The following NFATC2IP variants were observed in gnomAD, a reference collection of about 807,000 sequenced individuals.
The protein encoded by NFATC2IP is nuclear factor of activated T cells 2 interacting protein.
A neutral mutation model predicts 40.2 loss-of-function variants in NFATC2IP; 25 were observed. The observed-to-expected ratio is 0.62, with a 90% confidence interval of 0.45 to 0.87. NFATC2IP has a LOEUF of 0.87. Ranked by LOEUF, NFATC2IP falls within the 40% of genes least tolerant of loss-of-function variation. The pLI is 0.00. For synonymous variants in NFATC2IP, 241 were observed against 236.3 expected, an observed-to-expected ratio of 1.02 and a Z score of -0.18; for missense variants, 553 against 555.6, an observed-to-expected ratio of 1.00 and a Z score of 0.05.
intron 7 of NFATC2IP, among the ~76,000 whole-genome samples, chr16:28,959,666 G>A (rs1007111517): frequency 1.4e-5 from 2 of 146,892 alleles, no homozygotes; most frequent in African/African-American, 5.0e-5. Context: ...TCTGCCTTCC[G>A]AGTTTCAAGT....
At chr16:28,951,472 G>C in intron 1 of NFATC2IP, 74 bp downstream of exon 1, 1 of 1,334,524 alleles carries the variant, frequency 7.5e-7, no homozygotes, top group Non-Finnish European at 9.6e-7. Context: ...CGGCGTTCGG[G>C]GAGGGTAGGG....
Position 28,963,885 on chromosome 16 carries a change from G to T in NFATC2IP, c.*22G>T, listed in dbSNP as rs1274788926. 1.4e-5 allele frequency: 22 copies of T among 1,612,104 alleles called. No homozygotes were observed. The highest frequency in any genetic ancestry group is 1.6e-5 in the Non-Finnish European group (19 of 1,178,438). On this transcript the variant is annotated 3_prime_UTR_variant, in exon 8 of 8. Coordinates refer to ENST00000320805, the MANE Select transcript of NFATC2IP (RefSeq NM_032815.4). The stretch of plus-strand genomic sequence containing the variant: ...CTGACACCCCACTCCCTGTTTGACG[G>T]CCCAGCCTGGACTTGGGGAGAATGA...
At chr16:28,961,054 A>G (rs1434531092) in intron 7 of NFATC2IP, among the ~76,000 whole-genome samples, 1 of 152,096 alleles carries the variant, frequency 6.6e-6, no homozygotes, top group Middle Eastern at 3.2e-3. Context: ...TTGGCCAGGC[A>G]CAGTGCCTCA....
In NFATC2IP at chr16:28,953,223, C is replaced by T. The variant is rs542478202; in HGVS notation, c.460+1019C>T. 1.6e-4 allele frequency among the ~76,000 whole-genome samples: 24 copies of T among 151,946 alleles called. No individual in the cohort carries two copies. In the East Asian group the frequency reaches 3.3e-3, roughly 21 times the overall value. ...CCGAGTAGCAGGGATTACAGGCGCC[C>T]GCCACCATGTCTGGCTTTTTTGTAT... On this transcript the variant is annotated intron_variant, in intron 2 of 7. Coordinates refer to ENST00000320805, the MANE Select transcript of NFATC2IP (RefSeq NM_032815.4).
At chr16:28,956,606 A>C (rs1965025224) in intron 5 of NFATC2IP, 1 of 452,524 alleles carries the variant, frequency 2.2e-6, no homozygotes. Context: ...TTTTTCCTTC[A>C]AAAAGTGGTC....
At chr16:28,961,234 G>A (rs1401654096) in intron 7 of NFATC2IP, among the ~76,000 whole-genome samples, 1 of 149,694 alleles carries the variant, frequency 6.7e-6, no homozygotes, top group Admixed American at 6.7e-5. Context: ...AGGCTGAGGT[G>A]TGAGGATCGC....
intron 1 of NFATC2IP, among the ~76,000 whole-genome samples, chr16:28,951,790 A>G (rs914858818): frequency 6.6e-6 from 1 of 151,964 alleles, no homozygotes; most frequent in African/African-American, 2.4e-5. Flanking sequence ...GGGTTCAGAG[A>G]GGACTGGGCG....
rs138576594 is a variant in NFATC2IP, at chr16:28,961,325, G to GAA, written c.1101+2253_1101+2254dup. 1.6e-3 allele frequency among the ~76,000 whole-genome samples: 86 copies of GAA among 52,250 alleles called. 1 individual carries two copies. The highest frequency in any genetic ancestry group is 4.6e-3 in the African/African-American group (58 of 12,670). 34.3% of individuals were successfully genotyped at this position (52,250 alleles called of 152,430 possible). A position where few individuals can be genotyped will look rare whatever the true frequency, so the allele number is the denominator to read the frequency against. The stretch of plus-strand genomic sequence containing the variant: ...CCTGGGAGACAGCAAGACCCTATCT[G>GAA]AAAAAAAAAAAAAAAAAAAAAAAAA... On this transcript the variant is annotated intron_variant, in intron 7 of 7. Coordinates refer to ENST00000320805, the MANE Select transcript of NFATC2IP (RefSeq NM_032815.4).
At chr16:28,962,821 C>T (rs962388340) in intron 7 of NFATC2IP, among the ~76,000 whole-genome samples, 6 of 152,208 alleles carry the variant, frequency 3.9e-5, no homozygotes, top group African/African-American at 1.2e-4. Context: ...CTTGCAGGTG[C>T]ACTCCATTCT....
intron 7 of NFATC2IP, among the ~76,000 whole-genome samples, chr16:28,962,783 G>C (rs945583386): frequency 8.5e-5 from 13 of 152,182 alleles, no homozygotes; most frequent in Non-Finnish European, 1.8e-4. Context: ...GGCTCCTGCT[G>C]GCGGCCCACA....
rs57676860 is a variant in NFATC2IP, at chr16:28,963,638, G to A, written c.1102-67G>A. On this transcript the variant is annotated intron_variant, in intron 7 of 7. Transcript: ENST00000320805. The stretch of plus-strand genomic sequence containing the variant: ...CCATCCTCCCTGTCCCAAGTTCCTC[G>A]TCTATCCCTACGGGATCCCCGCCCC... 3.4e-3 allele frequency: 4,882 copies of A among 1,455,556 alleles called. 157 individuals carry two copies. In the African/African-American group the frequency reaches 0.06, roughly 18 times the overall value. The allele number at this position is 1,455,556 out of a possible 1,614,324, so 90.2% of individuals were successfully genotyped here.
rs1284712187 is a variant in NFATC2IP at position 28,965,146 on chromosome 16, A to G, written c.*1283A>G. ...TGGTGCAGTGCTTTAACATACATTC[A>G]TCTGATCAGCATTAATTTGGGGAAT... On this transcript the variant is annotated 3_prime_UTR_variant, in exon 8 of 8. Coordinates refer to ENST00000320805, the MANE Select transcript of NFATC2IP (RefSeq NM_032815.4). 1.3e-5 allele frequency: 2 copies of G among 152,034 alleles called. No individual in the cohort carries two copies. The highest frequency in any genetic ancestry group is 4.8e-5 in the African/African-American group (2 of 41,402). 9.4% of individuals were successfully genotyped at this position (152,034 alleles called of 1,614,324 possible).
At chr16:28,952,261 C>T (rs1186511477) in intron 2 of NFATC2IP, 57 bp downstream of exon 2, 2 of 1,609,088 alleles carry the variant, frequency 1.2e-6, no homozygotes, top group African/African-American at 1.3e-5. Context: ...TAAGAGAATT[C>T]CTGGGGTTTA....
In NFATC2IP at chr16:28,956,239, G is replaced by A. The variant is rs1464631142; in HGVS notation, c.748G>A (p.Val250Met). ...GQEQQGQEDE[V>M]VLVEGPTLPE... ...AGAGCAACAGGGCCAAGAGGATGAA[G>A]TGGTCTTGGTGGAAGGGCCCACCCT... Residue 250 changes from valine to methionine, a missense_variant, in exon 5 of 8, where the codon GTG becomes ATG. Val to Met is a conservative substitution (Grantham distance 21). Transcript: ENST00000320805. 2 of 1,613,998 alleles carry A rather than the reference G, an allele frequency of 1.2e-6. No individual in the cohort carries two copies. Among genetic ancestry groups the A allele is most frequent in the Non-Finnish European group, 8.5e-7 (1 of 1,179,896 alleles).
At chr16:28,961,500 C>A (rs1965086614) in intron 7 of NFATC2IP, among the ~76,000 whole-genome samples, 2 of 151,930 alleles carry the variant, frequency 1.3e-5, no homozygotes, top group Non-Finnish European at 2.9e-5. Flanking sequence ...TCTCATTGTT[C>A]TGGAGGGTAG....
intron 7 of NFATC2IP, among the ~76,000 whole-genome samples, chr16:28,960,243 T>A (rs1965071046): frequency 6.6e-6 from 1 of 152,192 alleles, no homozygotes; most frequent in Non-Finnish European, 1.5e-5. Flanking sequence ...CTACTTTAAA[T>A]AAGGTTACAT....
At chr16:28,959,848 G>A (rs746008127) in intron 7 of NFATC2IP, among the ~76,000 whole-genome samples, 9 of 152,158 alleles carry the variant, frequency 5.9e-5, no homozygotes, top group Non-Finnish European at 1.3e-4. Context: ...GATTACAGGT[G>A]TGAGCCACCG....
chr16:28,953,512 T>C (rs1964988571), intron 2 of NFATC2IP, among the ~76,000 whole-genome samples: 1 of 152,196 alleles, frequency 6.6e-6, no homozygotes, highest in Non-Finnish European at 1.5e-5. Context: ...GCTAGATATA[T>C]GCTTTAGGAC....
At chr16:28,955,197 AAAGC>A (rs1175068340) in intron 3 of NFATC2IP, among the ~76,000 whole-genome samples, 16 of 151,862 alleles carry the variant, frequency 1.1e-4, no homozygotes, top group African/African-American at 3.6e-4. Context: ...CTGTCTCTAA[AAAGC>A]AAACAAACAG....
Sources: gnomAD v4.1 joint callset for allele counts (sites outside exome capture counted in the v4.1 genomes callset) on GRCh38, gnomAD v4.1.1 for gene constraint, MANE v1.5 for transcripts, NCBI Gene and HGNC (gene_info 2026-07-23, HGNC 2026-07-21) for gene names.